CDON: variants seen among roughly 807,000 people sequenced by gnomAD.
CDON encodes the protein cell adhesion molecule-related/down-regulated by oncogenes.
Under a neutral mutation model 120.9 loss-of-function variants are expected in CDON, and 73 were observed. That is an observed-to-expected ratio of 0.60 (90% CI 0.50 to 0.73). The LOEUF (loss-of-function observed/expected upper bound fraction) is 0.73. Ranked by LOEUF, CDON falls within the 30% of genes least tolerant of loss-of-function variation. CDON has a pLI of 0.00. For synonymous variants in CDON, 566 were observed against 573.5 expected (o/e 0.99, Z 0.19); for missense variants, 1,470 against 1,587.3 (o/e 0.93, Z 1.26).
chr11:126,010,246 T>G (rs902146486), intron 8 of CDON, 95 bp downstream of exon 8: 2 of 884,510 alleles, frequency 2.3e-6, no homozygotes, highest in Non-Finnish European at 1.8e-6. Flanking sequence ...ATAGAGAGAT[T>G]GCTGGATTCA....
Position 126,005,580 on chromosome 11 carries a change from C to T in CDON, c.1851+179G>A, listed in dbSNP as rs192803627. 11 of 638,892 alleles carry T rather than the reference C, an allele frequency of 1.7e-5. No homozygotes were observed. In the Admixed American group the frequency reaches 2.3e-4, roughly 14 times the overall value. The allele number at this position is 638,892 out of a possible 1,614,324, so 39.6% of individuals were successfully genotyped here. On this transcript the variant is annotated intron_variant, in intron 9 of 19. Transcript: ENST00000531738. ...ATTTGGGGGGAAATTATACTTCATTCTCAGTGCTTTCCTAGGATTGGTAAA... is the reference window on the plus strand; with the variant it reads ...ATTTGGGGGGAAATTATACTTCATTTTCAGTGCTTTCCTAGGATTGGTAAA...
At chr11:126,015,212 C>T (rs1191443013) in intron 7 of CDON, 29 bp downstream of exon 7, 2 of 1,610,302 alleles carry the variant, frequency 1.2e-6, no homozygotes, top group Non-Finnish European at 1.7e-6. Context: ...AATAAAAGTT[C>T]TTATGACTGG....
chr11:126,018,285 A>C (rs771326792), intron 5 of CDON, 45 bp downstream of exon 5: 1 of 1,590,434 alleles, frequency 6.3e-7, no homozygotes, highest in African/African-American at 1.3e-5. Flanking sequence ...ACTTTTTATG[A>C]GGACTCTTCC....
intron 16 of CDON, among the ~76,000 whole-genome samples, chr11:125,981,965 A>ATTTTTTTTTTTTTT (rs1591562448): frequency 2.9e-5 from 1 of 34,428 alleles, no homozygotes; most frequent in African/African-American, 8.2e-5. Flanking sequence ...AAGTGATTCT[A>ATTTTTTTTTTTTTT]TTTTCTTTTT....
intron 11 of CDON, among the ~76,000 whole-genome samples, chr11:125,999,146 A>C (rs528098819): frequency 6.6e-6 from 1 of 152,384 alleles, no homozygotes; most frequent in Admixed American, 6.5e-5. Flanking sequence ...CAAGTTAGAA[A>C]GCAATGAAAA....
At chr11:126,049,118 T>C (rs1286278214) in intron 1 of CDON, among the ~76,000 whole-genome samples, 1 of 152,210 alleles carries the variant, frequency 6.6e-6, no homozygotes, top group African/African-American at 2.4e-5. Context: ...AAAAACAGCA[T>C]ACAAATTAAT....
chr11:126,054,999 T>A (rs977030829), intron 1 of CDON, among the ~76,000 whole-genome samples: 1 of 152,150 alleles, frequency 6.6e-6, no homozygotes, highest in Non-Finnish European at 1.5e-5. Context: ...ACCCTGTACA[T>A]CCAATTAAAG....
chr11:125,992,076 GACAGAT>G, intron 14 of CDON, among the ~76,000 whole-genome samples: 2 of 152,228 alleles, frequency 1.3e-5, no homozygotes, highest in Admixed American at 1.3e-4. Context: ...GAGAGACAAA[GACAGAT>G]ACTCATTTTA....
At chr11:126,048,937 AGGTGATCCGCCC>A in intron 1 of CDON, among the ~76,000 whole-genome samples, 1 of 152,342 alleles carries the variant, frequency 6.6e-6, no homozygotes, top group African/African-American at 2.4e-5. Context: ...TCCCAATCTC[AGGTGATCCGCCC>A]ACCTCGGCCT....
In CDON at chr11:126,027,342, G is replaced by A. The variant is rs141252133; in HGVS notation, c.-61-3805C>T. 5.8e-4 allele frequency among the ~76,000 whole-genome samples: 88 copies of A among 152,234 alleles called. No individual in the cohort carries two copies. The South Asian group carries it at 6.2e-3, about 11-fold the overall frequency. ...TACTGACCACACAAAGTTTAGATAC[G>A]CAGAAATCACAGTATATCCATTAGT... On this transcript the variant is annotated intron_variant, in intron 1 of 19. Transcript: ENST00000531738.
intron 18 of CDON, among the ~76,000 whole-genome samples, chr11:125,964,769 T>C (rs1945742621): frequency 6.6e-6 from 1 of 152,196 alleles, no homozygotes; most frequent in Non-Finnish European, 1.5e-5. Context: ...CAGTGTATTC[T>C]TCCATATTGC....
Position 126,015,350 on chromosome 11 carries a change from G to T in CDON, c.1089C>A (p.Asn363Lys). The T allele has an allele frequency of 6.2e-7, 1 of 1,614,050 alleles. No homozygotes were observed. The highest frequency in any genetic ancestry group is 8.5e-7 in the Non-Finnish European group (1 of 1,179,978). The change falls in exon 7 of 20, where the codon AAC becomes AAA. Residue 363 changes from asparagine to lysine, a missense_variant. By Grantham distance (94) the Asn-to-Lys change is moderately conservative. Transcript: ENST00000531738. ...HPSARHLTAG[N>K]GLKISGVTVE... is the part of the protein sequence containing the mutation. ...CAGTAACCCCACTGATTTTCAGTCCGTTTCCTGCAGTTAGATGTCGTGCAG... is the reference window on the plus strand; with the variant it reads ...CAGTAACCCCACTGATTTTCAGTCCTTTTCCTGCAGTTAGATGTCGTGCAG...
At chr11:126,050,327 A>C (rs1948523353) in intron 1 of CDON, among the ~76,000 whole-genome samples, 2 of 152,092 alleles carry the variant, frequency 1.3e-5, no homozygotes, top group South Asian at 4.1e-4. Flanking sequence ...AGAAAGACTA[A>C]AGTTCCAAAT....
At chr11:125,996,806 TTTTC>T (rs1365555302) in intron 12 of CDON, among the ~76,000 whole-genome samples, 2 of 152,122 alleles carry the variant, frequency 1.3e-5, no homozygotes, top group South Asian at 2.1e-4. Context: ...CTTCTTTATA[TTTTC>T]TTTATTTTCA....
chr11:126,021,515 C>A lies in CDON; in HGVS notation c.82G>T (p.Ala28Ser). ...ILCSSVSSDL[A>S]PYFTSEPLSA... ...AGCGGCTCAGAAGTAAAATAAGGTG[C>A]CAAGTCTACAAGGGAATATTCCCCA... Residue 28 changes from alanine to serine, a missense_variant, in exon 3 of 20, where the codon GCA (alanine) becomes TCA (serine). By Grantham distance (99) the Ala-to-Ser change is moderately conservative. Transcript: ENST00000531738. 1 of 1,613,572 alleles carries A rather than the reference C, an allele frequency of 6.2e-7. No individual in the cohort carries two copies. Among genetic ancestry groups the A allele is most frequent in the Non-Finnish European group, 8.5e-7 (1 of 1,179,804 alleles).
At chr11:125,979,133 A>G (rs1946222592) in intron 17 of CDON, among the ~76,000 whole-genome samples, 1 of 152,230 alleles carries the variant, frequency 6.6e-6, no homozygotes, top group Admixed American at 6.5e-5. Flanking sequence ...CAGAAGAAAA[A>G]CAGCAGAACT....
chr11:125,978,988 T>C (rs1410956502), intron 17 of CDON, among the ~76,000 whole-genome samples: 1 of 152,248 alleles, frequency 6.6e-6, no homozygotes, highest in African/African-American at 2.4e-5. Context: ...TGGCGGAAAC[T>C]GCCCAGCAAT....
Position 125,983,944 on chromosome 11 carries a change from C to G in CDON, c.2923G>C (p.Val975Leu), listed in dbSNP as rs113921147. The change falls in exon 16 of 20, where the codon GTC becomes CTC. Residue 975 changes from valine to leucine, a missense_variant. By Grantham distance (32) the Val-to-Leu change is conservative (BLOSUM62 1). Coordinates refer to ENST00000531738, the MANE Select transcript of CDON (RefSeq NM_001378964.1). ...AAAACCATCAGAATGAGGACCATGACGCCCAGCACACAGCCAACGATCAGA... is the reference window on the plus strand; with the variant it reads ...AAAACCATCAGAATGAGGACCATGAGGCCCAGCACACAGCCAACGATCAGA... ...LYLIVGCVLG[V>L]MVLILMVFIA... is the part of the protein sequence containing the mutation. 1.9e-6 allele frequency: 3 copies of G among 1,614,008 alleles called. No homozygotes were observed. The highest frequency in any genetic ancestry group is 2.5e-6 in the Non-Finnish European group (3 of 1,180,028).
chr11:126,022,319 T>C (rs542457964), intron 2 of CDON, among the ~76,000 whole-genome samples: 4 of 152,284 alleles, frequency 2.6e-5, no homozygotes, highest in Non-Finnish European at 5.9e-5. Flanking sequence ...CCCTTCAGTA[T>C]AAAACAATGT....
Sources: gnomAD v4.1 joint callset for allele counts (sites outside exome capture counted in the v4.1 genomes callset) on GRCh38, gnomAD v4.1.1 for gene constraint, MANE v1.5 for transcripts, NCBI Gene and HGNC (gene_info 2026-07-23, HGNC 2026-07-21) for gene names.